DNAJC11: variants seen among roughly 807,000 people sequenced by gnomAD.
The protein encoded by DNAJC11 is dnaJ homolog subfamily C member 11.
Under a neutral mutation model 78.6 loss-of-function variants are expected in DNAJC11, and 15 were observed. The observed-to-expected ratio is 0.19, with a 90% CI of 0.13 to 0.29. DNAJC11 has a LOEUF of 0.29. DNAJC11 is among the 10% of genes least tolerant of loss of function. The pLI, the probability that DNAJC11 is intolerant of heterozygous loss-of-function variation, is 1.00. For missense variants in DNAJC11, 547 were observed against 709.6 expected (o/e 0.77, Z 2.60); for synonymous variants, 292 against 272.1 (o/e 1.07, Z -0.72).
intron 4 of DNAJC11, among the ~76,000 whole-genome samples, chr1:6,662,134 T>G (rs1411721348): frequency 1.4e-5 from 2 of 146,258 alleles, no homozygotes; most frequent in East Asian, 4.0e-4. Flanking sequence ...TTTTGTTTTT[T>G]GTTTTTTTTT....
rs17029653 is a variant in DNAJC11, at chr1:6,635,433, T to C, written c.*242A>G. 5.5e-4 allele frequency: 277 copies of C among 501,326 alleles called. No homozygotes were observed. Among genetic ancestry groups the C allele is most frequent in the African/African-American group, 5.0e-3 (262 of 51,894 alleles). The allele number at this position is 501,326 out of a possible 1,614,324, so 31.1% of individuals were successfully genotyped here. ...GCCCTTCCCTCCAGGAACTGATCCTTGGGAAAACAGCCATGGGCCAGGCTG... is the reference window on the plus strand; with the variant it reads ...GCCCTTCCCTCCAGGAACTGATCCTCGGGAAAACAGCCATGGGCCAGGCTG... On this transcript the variant is annotated 3_prime_UTR_variant, in exon 16 of 16. Coordinates refer to ENST00000377577, the MANE Select transcript of DNAJC11 (RefSeq NM_018198.4).
chr1:6,700,951 G>A (rs546506718), intron 1 of DNAJC11, among the ~76,000 whole-genome samples: 1 of 152,298 alleles, frequency 6.6e-6, no homozygotes, highest in African/African-American at 2.4e-5. Flanking sequence ...GACTAGTCAA[G>A]AACAAAGGAG....
rs1314292527 is a variant in DNAJC11 at position 6,635,392 on chromosome 1, C to T, written c.*283G>A. ...GTCAGCACGTGTGCTCGGGACACAG[C>T]GGAGTCAGGGCCAGAGCCCTTCCCT... On this transcript the variant is annotated 3_prime_UTR_variant, in exon 16 of 16. Transcript: ENST00000377577. 3 of 402,306 alleles carry T rather than the reference C, an allele frequency of 7.5e-6. No individual in the cohort carries two copies. Among genetic ancestry groups the T allele is most frequent in the South Asian group, 3.3e-5 (1 of 30,574 alleles). The allele number at this position is 402,306 out of a possible 1,614,324, so 24.9% of individuals were successfully genotyped here.
intron 10 of DNAJC11, among the ~76,000 whole-genome samples, chr1:6,640,574 G>A (rs749352868): frequency 2.0e-5 from 3 of 152,328 alleles, no homozygotes; most frequent in Admixed American, 2.0e-4. Context: ...GCTCACGCCT[G>A]TAATCCCAGT....
At chr1:6,675,060 T>C (rs1466906448) in intron 3 of DNAJC11, among the ~76,000 whole-genome samples, 1 of 152,234 alleles carries the variant, frequency 6.6e-6, no homozygotes, top group Non-Finnish European at 1.5e-5. Flanking sequence ...AGAATCCTCA[T>C]ATGGAACAAT....
Position 6,634,388 on chromosome 1 carries a change from A to C in DNAJC11, c.*1287T>G. 8.3e-7 allele frequency: 1 copy of C among 1,199,168 alleles called. No individual in the cohort carries two copies. Among genetic ancestry groups the C allele is most frequent in the Non-Finnish European group, 1.1e-6 (1 of 920,886 alleles). The allele number at this position is 1,199,168 out of a possible 1,614,324, so 74.3% of individuals were successfully genotyped here. ...GAATGTTACAGAATTGGACAACCCG[A>C]ACTGCTTTTCAAAACCAGAGGAAGG... On this transcript the variant is annotated 3_prime_UTR_variant, in exon 16 of 16. Coordinates refer to ENST00000377577, the MANE Select transcript of DNAJC11 (RefSeq NM_018198.4).
chr1:6,682,938 C>T (rs1430854085), intron 1 of DNAJC11, among the ~76,000 whole-genome samples: 3 of 152,122 alleles, frequency 2.0e-5, no homozygotes, highest in African/African-American at 7.2e-5. Context: ...TAGACCCAAG[C>T]CATTCAGCTT....
chr1:6,687,128 G>C (rs1642667474), intron 1 of DNAJC11, among the ~76,000 whole-genome samples: 1 of 152,224 alleles, frequency 6.6e-6, no homozygotes, highest in South Asian at 2.1e-4. Flanking sequence ...CACCAAGACA[G>C]CATGGGTGCT....
At chr1:6,697,566 T>TGCTAACCGCTTGCTTGCCCGAC (rs368369267) in intron 1 of DNAJC11, among the ~76,000 whole-genome samples, 4 of 151,490 alleles carry the variant, frequency 2.6e-5, no homozygotes, top group Non-Finnish European at 5.9e-5. Context: ...GCTTGCCCGA[T>TGCTAACCGCTTGCTTGCCCGAC]GCTAACCGCT....
At chr1:6,701,037 A>G (rs1434261417) in intron 1 of DNAJC11, among the ~76,000 whole-genome samples, 2 of 152,188 alleles carry the variant, frequency 1.3e-5, no homozygotes, top group Non-Finnish European at 2.9e-5. Flanking sequence ...GAGACAGGGT[A>G]CAAGTGCTTG....
chr1:6,649,709 T>C lies in DNAJC11; in HGVS notation c.704+1820A>G, dbSNP rs1410419628. Among the ~76,000 whole-genome samples the C allele has an allele frequency of 1.3e-5, 2 of 150,826 alleles. 1 individual carries two copies. The highest frequency in any genetic ancestry group is 4.0e-4 in the East Asian group (2 of 5,044). On this transcript the variant is annotated intron_variant, in intron 7 of 15. Transcript: ENST00000377577. ...CATGTCTCATTGGAAGTGTAATAAC[T>C]AACTTTTTTTTTTTTTTTGAGACAG...
intron 3 of DNAJC11, among the ~76,000 whole-genome samples, chr1:6,676,537 A>G (rs1005581126): frequency 6.6e-6 from 1 of 151,954 alleles, no homozygotes; most frequent in Non-Finnish European, 1.5e-5. Flanking sequence ...AAAATTAGCT[A>G]GGCATGGTGG....
intron 10 of DNAJC11, 85 bp downstream of exon 10, chr1:6,644,473 G>C: frequency 1.0e-6 from 1 of 992,682 alleles, no homozygotes; most frequent in Non-Finnish European, 1.6e-6. Flanking sequence ...CAATGCAAAG[G>C]CTATTTCAGC....
intron 1 of DNAJC11, among the ~76,000 whole-genome samples, chr1:6,685,672 G>A (rs1284917687): frequency 6.6e-6 from 1 of 152,184 alleles, no homozygotes; most frequent in Admixed American, 6.5e-5. Flanking sequence ...TGGGAACCCA[G>A]GCAGGAACTT....
At chr1:6,662,127 TG>T (rs1278798331) in intron 4 of DNAJC11, among the ~76,000 whole-genome samples, 4 of 131,862 alleles carry the variant, frequency 3.0e-5, no homozygotes, top group East Asian at 4.0e-4. Flanking sequence ...AATTGTTTTT[TG>T]TTTTTTGTTT....
chr1:6,665,128 T>C (rs999042450), intron 4 of DNAJC11, among the ~76,000 whole-genome samples: 7 of 152,132 alleles, frequency 4.6e-5, no homozygotes, highest in Admixed American at 2.0e-4. Context: ...AGTGCAGTGG[T>C]GCAATCACGG....
At chr1:6,674,399 A>C (rs1336628441) in intron 3 of DNAJC11, among the ~76,000 whole-genome samples, 1 of 152,086 alleles carries the variant, frequency 6.6e-6, no homozygotes, top group East Asian at 1.9e-4. Context: ...TGTCTCTACC[A>C]AAAATACAAA....
intron 1 of DNAJC11, among the ~76,000 whole-genome samples, chr1:6,699,257 T>C (rs547530550): frequency 3.3e-4 from 50 of 152,020 alleles, no homozygotes; most frequent in African/African-American, 1.1e-3. Flanking sequence ...ATGATCCACC[T>C]CTGCACTTCA....
Position 6,645,965 on chromosome 1 carries a change from T to C in DNAJC11, c.718A>G (p.Asn240Asp). ...NLTPRCFVTT[N>D]CALQFSSRGI... is the part of the protein sequence containing the mutation. ...CGGGATGAAAACTGCAGAGCACAGTTTGTTGTCACAAAGCTGGAGAGACAC... is the reference window on the plus strand; with the variant it reads ...CGGGATGAAAACTGCAGAGCACAGTCTGTTGTCACAAAGCTGGAGAGACAC... Residue 240 changes from asparagine (N) to aspartate (D), a missense_variant, in exon 8 of 16, where the codon AAC (asparagine) becomes GAC (aspartate). Asn to Asp is a conservative substitution (Grantham distance 23). Transcript: ENST00000377577. This position sits in a 1 kb window ranked among gnomAD's most constrained non-coding sequence, Gnocchi z 4.1. The C allele has an allele frequency of 1.2e-6, 2 of 1,614,034 alleles. No individual in the cohort carries two copies. The highest frequency in any genetic ancestry group is 1.7e-6 in the Non-Finnish European group (2 of 1,179,976).
Sources: allele counts gnomAD v4.1 joint callset (sites outside exome capture counted in the v4.1 genomes callset), GRCh38; gene constraint gnomAD v4.1.1; non-coding constraint Gnocchi (gnomAD v3.1); transcripts MANE v1.5; gene names NCBI Gene and HGNC (gene_info 2026-07-23, HGNC 2026-07-21).